The following RP1 variants were observed in gnomAD, a reference collection of about 807,000 sequenced individuals.
RP1 encodes the protein RP1 axonemal microtubule associated.
Under a neutral mutation model 14.8 loss-of-function variants are expected in RP1, and 16 were observed. The ratio of observed to expected loss-of-function variants is 1.08; its 90% CI spans 0.73 to 1.65. The LOEUF is 1.65. Ranked by LOEUF, RP1 falls within the 40% of genes most tolerant of loss-of-function variation. The pLI is 0.00. For missense variants in RP1, 2,631 were observed against 2,535.0 expected, an observed-to-expected ratio of 1.04 and a Z score of -0.81; for synonymous variants, 876 against 883.6, an observed-to-expected ratio of 0.99 and a Z score of 0.15.
At chr8:54,671,544 C>T (rs1165362335) in intron 7 of RP1, among the ~76,000 whole-genome samples, 1 of 151,956 alleles carries the variant, frequency 6.6e-6, no homozygotes, top group Non-Finnish European at 1.5e-5. Flanking sequence ...TTTGTTGCTC[C>T]TGTCTTGATG....
chr8:54,756,680 C>A (rs1809514348), intron 21 of RP1, among the ~76,000 whole-genome samples: 1 of 152,148 alleles, frequency 6.6e-6, no homozygotes, highest in Non-Finnish European at 1.5e-5. Flanking sequence ...AAGTGATCAG[C>A]GAAGTGATCT....
chr8:54,629,835 A>T lies in RP1; in HGVS notation c.5953A>T (p.Ile1985Phe). The T allele has an allele frequency of 6.2e-7, 1 of 1,613,494 alleles. No homozygotes were observed. Among genetic ancestry groups the T allele is most frequent in the Non-Finnish European group, 8.5e-7 (1 of 1,179,826 alleles). ...GAGACAAAATCTTATTGATAATGCC[A>T]TTGGTGATATATTTGATCAGTTTTA... ...SMRQNLIDNA[I>F]GDIFDQFYFS... Residue 1985 changes from isoleucine to phenylalanine, a missense_variant, in exon 4 of 4, where the codon ATT becomes TTT. By Grantham distance (21) the Ile-to-Phe change is conservative. Transcript: ENST00000220676.
At chr8:54,785,701 A>G (rs1810300909) in intron 24 of RP1, among the ~76,000 whole-genome samples, 1 of 152,026 alleles carries the variant, frequency 6.6e-6, no homozygotes, top group African/African-American at 2.4e-5. Flanking sequence ...ATTCGATATT[A>G]TCTGTTTTTT....
At chr8:54,763,526 C>T (rs888366146) in intron 22 of RP1, among the ~76,000 whole-genome samples, 1 of 151,952 alleles carries the variant, frequency 6.6e-6, no homozygotes, top group Non-Finnish European at 1.5e-5. Flanking sequence ...ACTAAAAATA[C>T]AAAATTAGCC....
At chr8:54,819,955 A>C (rs1811218377) in intron 24 of RP1, among the ~76,000 whole-genome samples, 1 of 152,082 alleles carries the variant, frequency 6.6e-6, no homozygotes. Flanking sequence ...CGCGGTGACT[A>C]CTGCCCGAGT....
intron 1 of RP1, among the ~76,000 whole-genome samples, chr8:54,582,039 G>A (rs1245026816): frequency 1.3e-5 from 2 of 152,160 alleles, no homozygotes; most frequent in African/African-American, 2.4e-5. Context: ...GGCTTTTGTT[G>A]CCATTGCTTT....
chr8:54,638,790 C>T (rs891859300), intron 3 of RP1, among the ~76,000 whole-genome samples: 7 of 151,880 alleles, frequency 4.6e-5, no homozygotes, highest in African/African-American at 4.8e-5. Context: ...CTTTCCCCTC[C>T]GTTTTTTGTT....
At chr8:54,793,097 A>C (rs992369531) in intron 24 of RP1, among the ~76,000 whole-genome samples, 4 of 151,890 alleles carry the variant, frequency 2.6e-5, no homozygotes, top group Admixed American at 1.3e-4. Flanking sequence ...GAAAACGTAT[A>C]AATTTATAGA....
chr8:54,861,252 C>T (rs888730766), intron 27 of RP1, among the ~76,000 whole-genome samples: 4 of 152,174 alleles, frequency 2.6e-5, no homozygotes, highest in South Asian at 2.1e-4. Flanking sequence ...TTCACCTCTC[C>T]CACAAAGTAT....
chr8:54,803,182 T>C (rs1307355598), intron 24 of RP1, among the ~76,000 whole-genome samples: 1 of 152,212 alleles, frequency 6.6e-6, no homozygotes, highest in Non-Finnish European at 1.5e-5. Flanking sequence ...TTTAGTCTAA[T>C]CAGTTTGTTT....
intron 23 of RP1, among the ~76,000 whole-genome samples, chr8:54,777,299 TC>T (rs966394702): frequency 2.6e-5 from 4 of 152,208 alleles, no homozygotes; most frequent in Non-Finnish European, 5.9e-5. Context: ...AGCAAGCACT[TC>T]CCACCCGGTT....
chr8:54,658,542 C>T (rs888736853), intron 6 of RP1, among the ~76,000 whole-genome samples: 2 of 121,852 alleles, frequency 1.6e-5, no homozygotes, highest in Non-Finnish European at 3.5e-5. Context: ...CAGAGCGAGA[C>T]TCCGTCTCAA....
At chr8:54,806,400 CTTAG>C (rs1461269178) in intron 24 of RP1, among the ~76,000 whole-genome samples, 4 of 152,058 alleles carry the variant, frequency 2.6e-5, no homozygotes, top group Non-Finnish European at 4.4e-5. Flanking sequence ...GGACATTTAT[CTTAG>C]TTAGAGCTGA....
At chr8:54,711,334 T>TA (rs1563354951) in intron 15 of RP1, among the ~76,000 whole-genome samples, 1 of 152,208 alleles carries the variant, frequency 6.6e-6, no homozygotes, top group Non-Finnish European at 1.5e-5. Flanking sequence ...TTATTTCTGT[T>TA]AAAAATTCCA....
chr8:54,834,237 A>G (rs967250910), intron 24 of RP1, among the ~76,000 whole-genome samples: 2 of 152,128 alleles, frequency 1.3e-5, no homozygotes, highest in South Asian at 2.1e-4. Flanking sequence ...CAGAGGCATC[A>G]TAACTCTAGA....
chr8:54,683,690 G>A (rs1009360326), intron 12 of RP1, among the ~76,000 whole-genome samples: 41 of 152,160 alleles, frequency 2.7e-4, no homozygotes, highest in African/African-American at 9.9e-4. Flanking sequence ...AGTTTAAGAA[G>A]CTTTTGGGTT....
chr8:54,679,822 A>G, exon 12 of RP1: 1 of 1,535,956 alleles, frequency 6.5e-7, no homozygotes, highest in African/African-American at 1.4e-5. Flanking sequence ...AGAAAGCTGG[A>G]AGTTTACAAA....
At chr8:54,693,080 T>C (rs556500147) in intron 12 of RP1, among the ~76,000 whole-genome samples, 1 of 152,306 alleles carries the variant, frequency 6.6e-6, no homozygotes, top group African/African-American at 2.4e-5. Context: ...AGGGAATCCT[T>C]TCCCCATTGC....
At chr8:54,812,806 TATCTCTCC>T (rs1167700824) in intron 24 of RP1, among the ~76,000 whole-genome samples, 49 of 134,672 alleles carry the variant, frequency 3.6e-4, no homozygotes, top group African/African-American at 1.2e-3. Context: ...TCTATCTATC[TATCTCTCC>T]GTCTTCTATC....
Sources: gnomAD v4.1 joint callset for allele counts (sites outside exome capture counted in the v4.1 genomes callset) on GRCh38, gnomAD v4.1.1 for gene constraint, MANE v1.5 for transcripts, NCBI Gene and HGNC (gene_info 2026-07-23, HGNC 2026-07-21) for gene names.